Variants in STRBP observed in about 807,000 individuals in gnomAD.
STRBP encodes spermatid perinuclear RNA-binding protein.
A neutral mutation model predicts 80.1 loss-of-function variants in STRBP; 13 were observed. The observed-to-expected ratio is 0.16, with a 90% CI of 0.11 to 0.26. STRBP has a LOEUF of 0.26. Among genes scored for constraint, STRBP ranks in the 10% least tolerant of loss-of-function variants. The pLI, the probability that STRBP is intolerant of heterozygous loss-of-function variation, is 1.00. For synonymous variants in STRBP, 284 were observed against 291.2 expected (o/e 0.98, Z 0.25); for missense variants, 485 against 815.2 (o/e 0.59, Z 4.93).
intron 7 of STRBP, 24 bp from the exon 8 acceptor site, chr9:123,160,486 G>A (rs373004387): frequency 2.0e-5 from 32 of 1,563,902 alleles, no homozygotes; most frequent in Non-Finnish European, 2.7e-5. Flanking sequence ...AATGATTCCA[G>A]ATATCCCTAT....
chr9:123,188,872 T>TTTTGTTA (rs1281747618), intron 2 of STRBP, among the ~76,000 whole-genome samples: 7 of 152,202 alleles, frequency 4.6e-5, no homozygotes, highest in Admixed American at 1.3e-4. Context: ...TTAATACTAA[T>TTTTGTTA]ATAAGCCACC....
At chr9:123,165,014 G>A (rs770433727) in intron 6 of STRBP, among the ~76,000 whole-genome samples, 6 of 151,868 alleles carry the variant, frequency 4.0e-5, no homozygotes, top group African/African-American at 7.3e-5. Context: ...CGGGCACGGT[G>A]GCTCACACCT....
chr9:123,230,812 T>C (rs1385383996), intron 2 of STRBP, among the ~76,000 whole-genome samples: 1 of 152,248 alleles, frequency 6.6e-6, no homozygotes, highest in Admixed American at 6.5e-5. Flanking sequence ...GTCTTCCACA[T>C]ACTTTTTTCA....
intron 11 of STRBP, among the ~76,000 whole-genome samples, chr9:123,149,668 T>C (rs2036973773): frequency 6.6e-6 from 1 of 152,182 alleles, no homozygotes; most frequent in Non-Finnish European, 1.5e-5. Flanking sequence ...TGATGAGAAG[T>C]GATCATTTCT....
intron 3 of STRBP, among the ~76,000 whole-genome samples, chr9:123,180,182 G>A (rs1168847852): frequency 1.3e-5 from 2 of 152,166 alleles, no homozygotes; most frequent in Non-Finnish European, 2.9e-5. Flanking sequence ...TTAGAGCCCA[G>A]GAGTTCGAGG....
chr9:123,250,555 T>C (rs1189475605), intron 1 of STRBP, among the ~76,000 whole-genome samples: 1 of 152,194 alleles, frequency 6.6e-6, no homozygotes, highest in Non-Finnish European at 1.5e-5. Context: ...CCTAACTATA[T>C]GTAGGTTGAT....
chr9:123,245,709 A>T (rs1267418567), intron 1 of STRBP, among the ~76,000 whole-genome samples: 1 of 152,196 alleles, frequency 6.6e-6, no homozygotes, highest in African/African-American at 2.4e-5. Context: ...TTTAACTCTC[A>T]GGTAATTCTA....
chr9:123,267,218 C>T lies in STRBP; in HGVS notation c.-302+1218G>A, dbSNP rs575003448. Among the ~76,000 whole-genome samples the T allele has an allele frequency of 7.3e-5, 11 of 151,514 alleles. No individual in the cohort carries two copies. The South Asian group carries it at 2.3e-3, about 32-fold the overall frequency. ...ACGTCCTCCAACACTTGCCAAGAACCCCTCACCCTCCGTCCTACCTCAAAA... is the reference window on the plus strand; with the variant it reads ...ACGTCCTCCAACACTTGCCAAGAACTCCTCACCCTCCGTCCTACCTCAAAA... On this transcript the variant is annotated intron_variant, in intron 1 of 18. Transcript: ENST00000348403.
In STRBP at chr9:123,125,484, C is replaced by A; in HGVS notation, c.*113G>T. The stretch of plus-strand genomic sequence containing the variant: ...CAAAAAGTAGGAAAGATGTTCTTTA[C>A]AAATAATTTTGATCAAGTATGTGTT... On this transcript the variant is annotated 3_prime_UTR_variant, in exon 19 of 19. Coordinates refer to ENST00000348403, the MANE Select transcript of STRBP (RefSeq NM_018387.5). 3 of 1,303,862 alleles carry A rather than the reference C, an allele frequency of 2.3e-6. No homozygotes were observed. The highest frequency in any genetic ancestry group is 2.0e-6 in the Non-Finnish European group (2 of 1,018,132). 80.8% of individuals were successfully genotyped at this position (1,303,862 alleles called of 1,614,324 possible). A position where few individuals can be genotyped will look rare whatever the true frequency, so the allele number is the denominator to read the frequency against.
chr9:123,136,630 A>AG lies in STRBP; in HGVS notation c.1498-116dup. ...TCAAAAATTCTACTTCAAAGCACTC[A>AG]GGGGCTAGAATGAGTCACCTCTTTA... On this transcript the variant is annotated intron_variant, in intron 14 of 18. Coordinates refer to ENST00000348403, the MANE Select transcript of STRBP (RefSeq NM_018387.5). This position sits in a 1 kb window ranked among gnomAD's most constrained non-coding sequence, Gnocchi z 4.2. The AG allele has an allele frequency of 8.0e-7, 1 of 1,248,326 alleles. No homozygotes were observed. Among genetic ancestry groups the AG allele is most frequent in the Non-Finnish European group, 1.1e-6 (1 of 919,604 alleles). The allele number at this position is 1,248,326 out of a possible 1,614,324, so 77.3% of individuals were successfully genotyped here. A position where few individuals can be genotyped will look rare whatever the true frequency, so the allele number is the denominator to read the frequency against.
At position 123,169,966 on chromosome 9, in the gene STRBP, C is replaced by T. The variant is rs776659330; in HGVS notation, c.471G>A (p.Thr157=). The T allele has an allele frequency of 1.1e-5, 18 of 1,608,138 alleles. No individual in the cohort carries two copies. The highest frequency in any genetic ancestry group is 1.4e-5 in the Non-Finnish European group (17 of 1,177,944). Residue 157 remains threonine, a synonymous_variant, in exon 6 of 19, where the codon ACG becomes ACA. Transcript: ENST00000348403. Reference sequence around the variant, plus strand: ...AGGTAAGTATCACCTTCAAAGTTAGCGTGGGCTCTTTTGTATTCCGAATTA... The same window carrying T: ...AGGTAAGTATCACCTTCAAAGTTAGTGTGGGCTCTTTTGTATTCCGAATTA... ...SIIIRNTKEP[T]LTLKVILTSP...
intron 11 of STRBP, among the ~76,000 whole-genome samples, chr9:123,152,057 G>A (rs7019463): frequency 6.6e-6 from 1 of 151,868 alleles, no homozygotes; most frequent in South Asian, 2.1e-4. Context: ...TTTAAATTTA[G>A]TTGAAATGGA....
intron 12 of STRBP, 84 bp downstream of exon 12, chr9:123,147,694 A>AC: frequency 1.7e-6 from 2 of 1,160,334 alleles, no homozygotes; most frequent in Non-Finnish European, 2.4e-6. Flanking sequence ...AAAAAAAAAA[A>AC]AAAAACCCTT....
intron 3 of STRBP, among the ~76,000 whole-genome samples, chr9:123,180,589 T>C (rs959539691): frequency 6.6e-6 from 1 of 152,194 alleles, no homozygotes; most frequent in Non-Finnish European, 1.5e-5. Context: ...AGAAATACTC[T>C]ACAAAGATCG....
chr9:123,112,021 T>C (rs1286916830), intron 3 of STRBP: 1 of 178,820 alleles, frequency 5.6e-6, no homozygotes, highest in Non-Finnish European at 1.3e-5. Context: ...TTGCAGTGGC[T>C]TCCTGCCTCT....
intron 1 of STRBP, among the ~76,000 whole-genome samples, chr9:123,237,579 A>G (rs2040596390): frequency 6.6e-6 from 1 of 151,718 alleles, no homozygotes; most frequent in Non-Finnish European, 1.5e-5. Context: ...AACAACCTTG[A>G]AAGCTGTGCA....
chr9:123,219,364 C>T (rs2040001709), intron 2 of STRBP, among the ~76,000 whole-genome samples: 2 of 152,204 alleles, frequency 1.3e-5, no homozygotes, highest in Non-Finnish European at 2.9e-5. Flanking sequence ...GACCAAGTCA[C>T]ACCTCCTTCA....
At position 123,159,508 on chromosome 9, in the gene STRBP, C is replaced by T. The variant is rs185277191; in HGVS notation, c.724-301G>A. Among the ~76,000 whole-genome samples, 41 of 152,274 alleles carry T rather than the reference C, an allele frequency of 2.7e-4. No homozygotes were observed. In the East Asian group the frequency reaches 7.3e-3, roughly 27 times the overall value. ...TCTAATTCATTTAATAAAGACTTAA[C>T]AAGTCCTCATATAAGTTAGTAATAG... On this transcript the variant is annotated intron_variant, in intron 8 of 18. Transcript: ENST00000348403.
At chr9:123,143,927 G>C (rs1202345678) in intron 13 of STRBP, among the ~76,000 whole-genome samples, 1 of 152,182 alleles carries the variant, frequency 6.6e-6, no homozygotes, top group South Asian at 2.1e-4. Flanking sequence ...GCTGGGCACA[G>C]TGGCTCACAC....
Sources: gnomAD v4.1 joint callset for allele counts (sites outside exome capture counted in the v4.1 genomes callset) on GRCh38, gnomAD v4.1.1 for gene constraint, Gnocchi (gnomAD v3.1) non-coding constraint, MANE v1.5 for transcripts, NCBI Gene and HGNC (gene_info 2026-07-23, HGNC 2026-07-21) for gene names.